ANAPC1: variants seen among roughly 807,000 people sequenced by gnomAD.
ANAPC1 encodes anaphase-promoting complex subunit 1.
A neutral mutation model predicts 208.0 loss-of-function variants in ANAPC1; 36 were observed. The ratio of observed to expected loss-of-function variants is 0.17; its 90% CI spans 0.13 to 0.23. The LOEUF is 0.23. Ranked by LOEUF, ANAPC1 falls within the 10% of genes least tolerant of loss-of-function variation. ANAPC1 has a pLI of 1.00. For synonymous variants in ANAPC1, 378 were observed against 695.2 expected, an observed-to-expected ratio of 0.54 and a Z score of 7.18; for missense variants, 942 against 2,011.6, an observed-to-expected ratio of 0.47 and a Z score of 10.17.
intron 13 of ANAPC1, among the ~76,000 whole-genome samples, chr2:111,856,128 G>A (rs542983862): frequency 4.6e-5 from 7 of 152,240 alleles, no homozygotes; most frequent in South Asian, 2.1e-4. Context: ...CCAGCTACTC[G>A]GGAGGCTGAG....
rs367603648 is a variant in ANAPC1 at position 111,825,846 on chromosome 2, G to A, written c.2635C>T (p.Leu879=). 1 of 1,608,046 alleles carries A rather than the reference G, an allele frequency of 6.2e-7. No homozygotes were observed. Among genetic ancestry groups the A allele is most frequent in the Non-Finnish European group, 8.5e-7 (1 of 1,176,074 alleles). ...RSRLVVLSIA[L]YILGDESLVS... The stretch of plus-strand genomic sequence containing the variant: ...AAGCTCTCATCACCAAGTATGTACA[G>A]TGCAATACTCTGCAAAGGAAGAAAA... Residue 879 remains leucine (L), a synonymous_variant, in exon 22 of 48, where the codon CTG becomes TTG. Transcript: ENST00000341068.
intron 1 of ANAPC1, among the ~76,000 whole-genome samples, chr2:111,882,642 C>A (rs1027443344): frequency 4.7e-5 from 7 of 149,490 alleles, no homozygotes; most frequent in Non-Finnish European, 8.9e-5. Flanking sequence ...GAGGCTAAGG[C>A]AAGAGAATCG....
intron 7 of ANAPC1, chr2:111,866,101 G>T (rs1337008080): frequency 5.3e-6 from 1 of 190,394 alleles, no homozygotes; most frequent in African/African-American, 2.4e-5. Context: ...CTACTCGGGA[G>T]GCTGAGGGAG....
intron 5 of ANAPC1, 47 bp from the exon 6 acceptor site, chr2:111,872,759 C>T (rs1172755768): frequency 1.6e-6 from 2 of 1,223,390 alleles, no homozygotes; most frequent in South Asian, 2.6e-5. Context: ...AGAACCTACC[C>T]CTTTATAAAA....
chr2:111,864,963 A>G lies in ANAPC1; in HGVS notation c.686-12T>C, dbSNP rs1682325189. 1 of 1,605,862 alleles carries G rather than the reference A, an allele frequency of 6.2e-7. No homozygotes were observed. Among genetic ancestry groups the G allele is most frequent in the Admixed American group, 1.7e-5 (1 of 58,662 alleles). The stretch of plus-strand genomic sequence containing the variant: ...TGAACCAAAAAGACCTTAAAAATAA[A>G]ATAGAAAAATCAGGTATAGAACAAT... On this transcript the variant is annotated splice_polypyrimidine_tract_variant and intron_variant, in intron 7 of 47. Transcript: ENST00000341068.
intron 45 of ANAPC1, among the ~76,000 whole-genome samples, 155 bp from the exon 46 acceptor site, chr2:111,777,212 A>C (rs939792): frequency 1.3e-5 from 2 of 151,962 alleles, no homozygotes; most frequent in African/African-American, 2.4e-5. Flanking sequence ...CCCACAGAGG[A>C]GCCGTCACTG....
intron 46 of ANAPC1, among the ~76,000 whole-genome samples, chr2:111,773,680 T>C (rs1019185988): frequency 1.3e-5 from 2 of 151,394 alleles, no homozygotes; most frequent in Admixed American, 6.6e-5. Context: ...AAATATGAGT[T>C]GGGCAGGTGA....
chr2:111,788,118 T>A, intron 39 of ANAPC1, 116 bp downstream of exon 39: 4 of 1,478,940 alleles, frequency 2.7e-6, no homozygotes, highest in Non-Finnish European at 3.7e-6. Flanking sequence ...TATAACTAAG[T>A]TGGAGAACAA....
intron 13 of ANAPC1, among the ~76,000 whole-genome samples, chr2:111,851,994 T>A (rs577224929): frequency 6.6e-6 from 1 of 151,858 alleles, no homozygotes; most frequent in African/African-American, 2.4e-5. Flanking sequence ...AACACACTAC[T>A]CAAAAGCTAA....
At position 111,847,838 on chromosome 2, in the gene ANAPC1, G is replaced by A; in HGVS notation, c.1678C>T (p.Leu560=). The A allele has an allele frequency of 6.3e-7, 1 of 1,592,196 alleles. No homozygotes were observed. The highest frequency in any genetic ancestry group is 1.8e-5 in the Admixed American group (1 of 54,366). The change falls in exon 15 of 48, where the codon CTG becomes TTG. Residue 560 remains leucine (L), a synonymous_variant. Coordinates refer to ENST00000341068, the MANE Select transcript of ANAPC1 (RefSeq NM_022662.4). ...EVVLLSPVPE[L]RDSSKLHDSL... ...TCATGAAGTTTTGAAGAATCCCTCA[G>A]TTCTGGAACTGGGGACAACAGAACA... is the stretch of plus-strand genomic sequence containing the variant.
At chr2:111,841,121 A>G (rs553088204) in intron 17 of ANAPC1, among the ~76,000 whole-genome samples, 1 of 152,168 alleles carries the variant, frequency 6.6e-6, no homozygotes, top group African/African-American at 2.4e-5. Flanking sequence ...CAATTCCTTC[A>G]TGTGCTGAAA....
Position 111,856,762 on chromosome 2 carries a change from G to T in ANAPC1, c.1449+34C>A, listed in dbSNP as rs372818948. On this transcript the variant is annotated intron_variant, in intron 12 of 47. Transcript: ENST00000341068. ...TTTTGACTGAAAAATCTGTTGAAGC[G>T]TAATTGTCAACTTCTCAAATGTGCC... The T allele has an allele frequency of 2.5e-6, 4 of 1,612,698 alleles. No homozygotes were observed. In the African/African-American group the frequency reaches 5.3e-5, roughly 22 times the overall value.
intron 44 of ANAPC1, chr2:111,779,516 T>A (rs1372137621): frequency 6.6e-6 from 1 of 151,908 alleles, no homozygotes; most frequent in Non-Finnish European, 1.5e-5. Context: ...ATGCATCCAA[T>A]CTTTCCTTGT....
intron 11 of ANAPC1, 182 bp from the exon 12 acceptor site, chr2:111,857,068 T>C (rs7570221): frequency 0.53 from 264,653 of 498,714 alleles, 58,218 homozygotes; most frequent in South Asian, 0.63. Flanking sequence ...GATCAGTGGG[T>C]AATGGTGTAT....
chr2:111,796,309 AT>A (rs1678164264), intron 34 of ANAPC1, among the ~76,000 whole-genome samples: 1 of 149,020 alleles, frequency 6.7e-6, no homozygotes, highest in African/African-American at 2.6e-5. Flanking sequence ...ATATCACCAA[AT>A]CAAAGACTTA....
intron 38 of ANAPC1, among the ~76,000 whole-genome samples, chr2:111,790,588 T>G (rs1383812264): frequency 1.3e-5 from 2 of 151,944 alleles, no homozygotes; most frequent in African/African-American, 4.8e-5. Context: ...TAGATTCAAA[T>G]GTGAATGGAA....
Position 111,833,172 on chromosome 2 carries a change from A to G in ANAPC1, c.2476+48T>C, listed in dbSNP as rs774832643. The G allele has an allele frequency of 3.3e-6, 5 of 1,538,344 alleles. No homozygotes were observed. The African/African-American group carries it at 6.8e-5, about 21-fold the overall frequency. ...GCTATTCAATGAGAAAGATACAAGG[A>G]AATATCACTACACTGTTTAGAAAAT... On this transcript the variant is annotated intron_variant, in intron 20 of 47. Transcript: ENST00000341068.
In ANAPC1 at chr2:111,838,447, T is replaced by C; in HGVS notation, c.2106A>G (p.Gly702=). 6.2e-7 allele frequency: 1 copy of C among 1,604,440 alleles called. No homozygotes were observed. The highest frequency in any genetic ancestry group is 8.5e-7 in the Non-Finnish European group (1 of 1,177,332). ...AAATAATAATGCTTACATCATCAGA[T>C]CCAGTCTCGGAAGGCCTTGCTTTTT... is the stretch of plus-strand genomic sequence containing the variant. ...APKKARPSET[G]SDDDWEYLLN... The change falls in exon 18 of 48, where the codon GGA becomes GGG. Residue 702 remains glycine, a synonymous_variant. Coordinates refer to ENST00000341068, the MANE Select transcript of ANAPC1 (RefSeq NM_022662.4).
intron 3 of ANAPC1, among the ~76,000 whole-genome samples, chr2:111,877,993 C>T (rs1312501533): frequency 6.6e-6 from 1 of 152,120 alleles, no homozygotes; most frequent in Admixed American, 6.5e-5. Flanking sequence ...GCTAGAAGCA[C>T]ATAATACTCC....
Sources: allele counts gnomAD v4.1 joint callset (sites outside exome capture counted in the v4.1 genomes callset), GRCh38; gene constraint gnomAD v4.1.1; transcripts MANE v1.5; gene names NCBI Gene and HGNC (gene_info 2026-07-23, HGNC 2026-07-21).